KIF20B: variants seen among roughly 807,000 people sequenced by gnomAD.
The protein encoded by KIF20B is kinesin family member 20B.
KIF20B carries 188 observed loss-of-function variants against 232.5 expected under a neutral mutation model. That is an observed-to-expected ratio of 0.81 (90% confidence interval 0.72 to 0.91). The LOEUF (loss-of-function observed/expected upper bound fraction) is 0.91, where lower values mean the gene tolerates loss of function less well. Among genes scored for constraint, KIF20B ranks in the 40% least tolerant of loss-of-function variants. The pLI is 0.00. For missense variants in KIF20B, 2,154 were observed against 2,055.9 expected, an observed-to-expected ratio of 1.05 and a Z score of -0.92; for synonymous variants, 712 against 683.0, an observed-to-expected ratio of 1.04 and a Z score of -0.66.
Position 89,732,930 on chromosome 10 carries a change from A to G in KIF20B, c.2419A>G (p.Ile807Val), listed in dbSNP as rs752027575. 1 of 1,604,808 alleles carries G rather than the reference A, an allele frequency of 6.2e-7. No individual in the cohort carries two copies. The highest frequency in any genetic ancestry group is 8.5e-7 in the Non-Finnish European group (1 of 1,174,890). The change falls in exon 19 of 33, where the codon ATA becomes GTA. Residue 807 changes from isoleucine (I) to valine (V), a missense_variant. By Grantham distance (29) the Ile-to-Val change is conservative (BLOSUM62 3). Coordinates refer to ENST00000371728, the MANE Select transcript of KIF20B (RefSeq NM_001284259.2). ...CAAGGCTGATACATCTTCTTTAATA[A>G]TAAACAATAAATTGATTTGTAATGA... is the stretch of plus-strand genomic sequence containing the variant. ...NDKADTSSLI[I>V]NNKLICNETV... is the part of the protein sequence containing the mutation.
Position 89,746,022 on chromosome 10 carries a change from C to T in KIF20B, c.4096+63C>T, listed in dbSNP as rs372463198. On this transcript the variant is annotated intron_variant, in intron 23 of 32. Coordinates refer to ENST00000371728, the MANE Select transcript of KIF20B (RefSeq NM_001284259.2). ...TCTCTTATTCCCCTCGCAGGGCATGCGATGGGGGTATGACTTGCTTCATTG... is the reference window on the plus strand; with the variant it reads ...TCTCTTATTCCCCTCGCAGGGCATGTGATGGGGGTATGACTTGCTTCATTG... 65 of 1,168,708 alleles carry T rather than the reference C, an allele frequency of 5.6e-5. No individual in the cohort carries two copies. The Middle Eastern group carries it at 8.1e-4, about 15-fold the overall frequency. The allele number at this position is 1,168,708 out of a possible 1,614,324, so 72.4% of individuals were successfully genotyped here. A position where few individuals can be genotyped will look rare whatever the true frequency, so the allele number is the denominator to read the frequency against.
Position 89,774,145 on chromosome 10 carries a change from T to C in KIF20B, c.*97T>C. 1.6e-6 allele frequency: 1 copy of C among 620,728 alleles called. No homozygotes were observed. Among genetic ancestry groups the C allele is most frequent in the East Asian group, 3.1e-5 (1 of 32,450 alleles). 38.5% of individuals were successfully genotyped at this position (620,728 alleles called of 1,614,324 possible). A position where few individuals can be genotyped will look rare whatever the true frequency, so the allele number is the denominator to read the frequency against. On this transcript the variant is annotated 3_prime_UTR_variant, in exon 33 of 33. Transcript: ENST00000371728. The stretch of plus-strand genomic sequence containing the variant: ...ATAAATGTATATATTATGCATTAAA[T>C]CACTCTGCATATAGATTGCTGTTTT...
intron 22 of KIF20B, among the ~76,000 whole-genome samples, chr10:89,745,269 A>C (rs778951679): frequency 6.6e-6 from 1 of 152,242 alleles, no homozygotes; most frequent in Non-Finnish European, 1.5e-5. Context: ...TCACGCATGT[A>C]ATCCCAGCAC....
chr10:89,716,144 C>G (rs1338499667), intron 8 of KIF20B, among the ~76,000 whole-genome samples: 1 of 152,132 alleles, frequency 6.6e-6, no homozygotes, highest in African/African-American at 2.4e-5. Context: ...CTTTGCCACT[C>G]TTTTTTTCCC....
In KIF20B at chr10:89,737,998, TTCCACTC is replaced by T; in HGVS notation, c.3159_3165del (p.Phe1053LeufsTer14). On this transcript the variant is annotated frameshift_variant, in exon 20 of 33. Transcript: ENST00000371728. LOFTEE classifies it high-confidence loss of function. ...TCAAGAACCCAATAGGGAAAATTCTTTCCACTCTAGTATTGAAGCTATTTGGGAAGAA... is the reference window on the plus strand; with the variant it reads ...TCAAGAACCCAATAGGGAAAATTCTTTAGTATTGAAGCTATTTGGGAAGAA... 6.2e-7 allele frequency: 1 copy of T among 1,613,346 alleles called. No individual in the cohort carries two copies. Among genetic ancestry groups the T allele is most frequent in the Non-Finnish European group, 8.5e-7 (1 of 1,179,546 alleles).
chr10:89,752,824 A>T, intron 25 of KIF20B, 133 bp downstream of exon 25: 1 of 558,430 alleles, frequency 1.8e-6, no homozygotes, highest in South Asian at 3.9e-5. Flanking sequence ...AAATGTTAAT[A>T]TGTAAATATA....
intron 19 of KIF20B, 95 bp downstream of exon 19, chr10:89,733,151 A>G: frequency 3.1e-6 from 4 of 1,290,660 alleles, no homozygotes; most frequent in Non-Finnish European, 4.4e-6. Context: ...CACTTGTCTA[A>G]GGAAAAATCT....
At chr10:89,759,972 C>T (rs993363920) in intron 27 of KIF20B, among the ~76,000 whole-genome samples, 7 of 152,064 alleles carry the variant, frequency 4.6e-5, no homozygotes, top group Non-Finnish European at 8.8e-5. Flanking sequence ...AGAAATAGAA[C>T]TTTATGACTG....
intron 16 of KIF20B, among the ~76,000 whole-genome samples, chr10:89,726,820 T>A (rs1027408004): frequency 3.3e-5 from 5 of 151,224 alleles, no homozygotes; most frequent in East Asian, 1.9e-4. Context: ...ATATATATAT[T>A]TTTTATGACA....
chr10:89,739,629 C>T (rs1043826488), intron 21 of KIF20B, among the ~76,000 whole-genome samples: 3 of 149,142 alleles, frequency 2.0e-5, no homozygotes, highest in African/African-American at 4.9e-5. Flanking sequence ...CATTTTCTGT[C>T]GTACTTAGAC....
At position 89,715,992 on chromosome 10, in the gene KIF20B, A is replaced by AAAATAAATAAAT. The variant is rs372772817; in HGVS notation, c.941-424_941-413dup. On this transcript the variant is annotated intron_variant, in intron 8 of 32. Transcript: ENST00000371728. Reference sequence around the variant, plus strand: ...GGCAACAGAGTGAAACCTTGTCTCCAAAATAAATAAATAAATAAATAAATA... The same window carrying AAAATAAATAAAT: ...GGCAACAGAGTGAAACCTTGTCTCCAAAATAAATAAATAAATAAATAAATAAATAAATAAATA... Among the ~76,000 whole-genome samples, 981 of 149,046 alleles carry AAAATAAATAAAT rather than the reference A, an allele frequency of 6.6e-3. 10 individuals are homozygous for AAAATAAATAAAT. Among genetic ancestry groups the AAAATAAATAAAT allele is most frequent in the Middle Eastern group, 0.024 (7 of 292 alleles).
intron 17 of KIF20B, 152 bp from the exon 18 acceptor site, chr10:89,728,976 G>T: frequency 8.1e-6 from 4 of 495,472 alleles, no homozygotes; most frequent in African/African-American, 2.1e-5. Flanking sequence ...GCAAAAATAA[G>T]ATCATGCTGT....
chr10:89,764,531 A>G (rs1842313066), intron 29 of KIF20B, among the ~76,000 whole-genome samples: 1 of 152,058 alleles, frequency 6.6e-6, no homozygotes, highest in African/African-American at 2.4e-5. Flanking sequence ...AAGTGTTCCT[A>G]TTTCTCCACA....
chr10:89,709,772 T>C (rs574697108), intron 4 of KIF20B, among the ~76,000 whole-genome samples, 155 bp from the exon 5 acceptor site: 1 of 152,284 alleles, frequency 6.6e-6, no homozygotes, highest in Non-Finnish European at 1.5e-5. Context: ...AACTTTCTGG[T>C]AGTAAAACTA....
chr10:89,712,720 G>A (rs1842859635), intron 6 of KIF20B, among the ~76,000 whole-genome samples: 2 of 152,002 alleles, frequency 1.3e-5, no homozygotes, highest in Admixed American at 1.3e-4. Flanking sequence ...ATATAAGGTG[G>A]TACCATATAA....
At chr10:89,730,191 G>A (rs1159928527) in intron 18 of KIF20B, among the ~76,000 whole-genome samples, 1 of 152,094 alleles carries the variant, frequency 6.6e-6, no homozygotes, top group Non-Finnish European at 1.5e-5. Flanking sequence ...GTATTTATTA[G>A]ATACATGATT....
intron 28 of KIF20B, among the ~76,000 whole-genome samples, chr10:89,761,951 C>T (rs957226821): frequency 6.6e-6 from 1 of 152,084 alleles, no homozygotes; most frequent in Non-Finnish European, 1.5e-5. Flanking sequence ...TTCATGTAAT[C>T]GATATACTTA....
chr10:89,712,148 AT>A, intron 6 of KIF20B, among the ~76,000 whole-genome samples: 1 of 152,182 alleles, frequency 6.6e-6, no homozygotes, highest in Non-Finnish European at 1.5e-5. Context: ...ATTAAAATGT[AT>A]TTAAAAAAAT....
intron 2 of KIF20B, among the ~76,000 whole-genome samples, chr10:89,706,344 T>C (rs2133078852): frequency 6.6e-6 from 1 of 152,298 alleles, no homozygotes; most frequent in East Asian, 1.9e-4. Flanking sequence ...GTGAGAAATC[T>C]TTATGTATAC....
Sources: allele counts gnomAD v4.1 joint callset (sites outside exome capture counted in the v4.1 genomes callset), GRCh38; gene constraint gnomAD v4.1.1; transcripts MANE v1.5; gene names NCBI Gene and HGNC (gene_info 2026-07-23, HGNC 2026-07-21).